Variants in KAZN observed in about 807,000 individuals in gnomAD.
KAZN encodes kazrin, periplakin interacting protein, also known as kazrin.
A neutral mutation model predicts 87.4 loss-of-function variants in KAZN; 40 were observed. That is an observed-to-expected ratio of 0.46 (90% CI 0.36 to 0.60). The LOEUF is 0.60. Among genes scored for constraint, KAZN ranks in the 20% least tolerant of loss-of-function variants. The pLI is 0.00. For synonymous variants in KAZN, 466 were observed against 458.3 expected (o/e 1.02, Z -0.22); for missense variants, 898 against 1,073.9 (o/e 0.84, Z 2.29).
At chr1:14,107,169 C>T (rs1487809653) in intron 1 of KAZN, among the ~76,000 whole-genome samples, 1 of 151,094 alleles carries the variant, frequency 6.6e-6, no homozygotes, top group African/African-American at 2.4e-5. Flanking sequence ...GATTTTTCTC[C>T]CCATGTTCAT....
chr1:15,106,770 C>T (rs1425346233), intron 13 of KAZN, among the ~76,000 whole-genome samples: 1 of 152,154 alleles, frequency 6.6e-6, no homozygotes, highest in Non-Finnish European at 1.5e-5. Context: ...AAGGAGAAGT[C>T]TCTGCCATGG....
intron 1 of KAZN, among the ~76,000 whole-genome samples, chr1:14,083,050 G>T (rs1288867483): frequency 6.6e-6 from 1 of 152,048 alleles, no homozygotes; most frequent in Non-Finnish European, 1.5e-5. Context: ...AAATTAGCCG[G>T]GTGTGGTGGC....
chr1:14,348,305 G>A (rs557811853), intron 2 of KAZN, among the ~76,000 whole-genome samples: 189 of 152,166 alleles, frequency 1.2e-3, no homozygotes, highest in African/African-American at 4.5e-3. Context: ...ACCCTCCCCA[G>A]CCTCTCCAAA....
intron 1 of KAZN, among the ~76,000 whole-genome samples, chr1:14,636,943 G>A (rs1272160438): frequency 6.6e-6 from 1 of 152,160 alleles, no homozygotes; most frequent in Non-Finnish European, 1.5e-5. Flanking sequence ...TCGACCTGAA[G>A]TTCAGACATG....
chr1:14,801,840 C>A (rs1285071424), intron 1 of KAZN, among the ~76,000 whole-genome samples: 1 of 147,816 alleles, frequency 6.8e-6, no homozygotes, highest in Admixed American at 6.6e-5. Flanking sequence ...CCCGCCATCA[C>A]GCCCAGCTAA....
intron 2 of KAZN, among the ~76,000 whole-genome samples, chr1:14,983,976 A>G (rs10927614): frequency 0.019 from 2,838 of 152,168 alleles, 84 homozygotes; most frequent in African/African-American, 0.065. Context: ...TTAAATTAAT[A>G]AAGCCTAAAA....
chr1:14,642,595 A>T (rs1163379309), intron 1 of KAZN, among the ~76,000 whole-genome samples: 2 of 152,140 alleles, frequency 1.3e-5, no homozygotes, highest in Non-Finnish European at 1.5e-5. Context: ...GATACAGGTA[A>T]ATAGGAGAAA....
intron 2 of KAZN, among the ~76,000 whole-genome samples, chr1:14,542,818 G>C (rs1395928515): frequency 6.6e-6 from 1 of 152,176 alleles, no homozygotes; most frequent in Non-Finnish European, 1.5e-5. Flanking sequence ...GCAAGCGGGG[G>C]AACAGCAAAG....
At chr1:14,868,456 C>T (rs939591583) in intron 1 of KAZN, among the ~76,000 whole-genome samples, 13 of 152,192 alleles carry the variant, frequency 8.5e-5, no homozygotes, top group Admixed American at 4.6e-4. Context: ...TAGGGCCACA[C>T]GTTACAAGAC....
chr1:14,418,035 A>C (rs995519440), intron 2 of KAZN, among the ~76,000 whole-genome samples: 2 of 131,264 alleles, frequency 1.5e-5, no homozygotes, highest in South Asian at 2.5e-4. Flanking sequence ...AAAAAAAAAA[A>C]AAAAAAAAAC....
chr1:14,599,324 C>T lies in KAZN; in HGVS notation c.226+101C>T, dbSNP rs912683402. 2.7e-5 allele frequency: 32 copies of T among 1,188,202 alleles called. No individual in the cohort carries two copies. Among genetic ancestry groups the T allele is most frequent in the Non-Finnish European group, 3.3e-5 (31 of 943,486 alleles). 73.6% of individuals were successfully genotyped at this position (1,188,202 alleles called of 1,614,324 possible). On this transcript the variant is annotated intron_variant, in intron 1 of 14. Transcript: ENST00000376030. This position sits in a 1 kb window ranked among gnomAD's most constrained non-coding sequence, Gnocchi z 4.4. The stretch of plus-strand genomic sequence containing the variant: ...GGGTCCCCCACACCCGGGGCGAAAT[C>T]GCTTTGCATTCTGGCTTGTAACCCT...
chr1:14,714,938 G>A (rs1642710662), intron 1 of KAZN, among the ~76,000 whole-genome samples: 1 of 151,670 alleles, frequency 6.6e-6, no homozygotes, highest in Non-Finnish European at 1.5e-5. Context: ...GGAACTATAG[G>A]CACACACCAT....
intron 2 of KAZN, among the ~76,000 whole-genome samples, chr1:14,181,034 G>A (rs526188): frequency 0.6 from 91,365 of 152,042 alleles, 28,201 homozygotes; most frequent in African/African-American, 0.71. Context: ...TTTTGCTAGC[G>A]CTGAATTTAT....
Position 14,995,060 on chromosome 1 carries a change from C to T in KAZN, c.418+34185C>T, listed in dbSNP as rs539282999. On this transcript the variant is annotated intron_variant, in intron 2 of 14. Transcript: ENST00000376030. ...AGGGACATGGTCCTTGTGCATTTCA[C>T]GCTGGGAAGGTTGGCTGGCCCCTCG... Among the ~76,000 whole-genome samples the T allele has an allele frequency of 5.9e-5, 9 of 152,340 alleles. No individual in the cohort carries two copies. The South Asian group carries it at 1.4e-3, about 25-fold the overall frequency.
At chr1:13,969,718 C>T (rs1480468812) in intron 1 of KAZN, among the ~76,000 whole-genome samples, 1 of 152,078 alleles carries the variant, frequency 6.6e-6, no homozygotes, top group Non-Finnish European at 1.5e-5. Context: ...TCAGATGCTA[C>T]CTGGCTGAGG....
At position 14,054,416 on chromosome 1, in the gene KAZN, AT is replaced by A. The variant is rs1480005961; in HGVS notation, c.92-126014del. Among the ~76,000 whole-genome samples the A allele has an allele frequency of 3.9e-5, 6 of 152,248 alleles. 1 individual carries two copies. The highest frequency in any genetic ancestry group is 3.3e-4 in the Admixed American group (5 of 15,286). ...TCCCTACCCTGTAGGCCACTTTGGC[AT>A]TTTTGGTAGACTGAATTTGAGTAAA... On this transcript the variant is annotated intron_variant, in intron 1 of 16. Coordinates refer to the KAZN transcript ENST00000636203.
chr1:14,824,600 G>C (rs569417857), intron 1 of KAZN, among the ~76,000 whole-genome samples: 1 of 152,146 alleles, frequency 6.6e-6, no homozygotes, highest in Non-Finnish European at 1.5e-5. Context: ...TTATCTGAGG[G>C]TTAAGTAAAA....
intron 1 of KAZN, among the ~76,000 whole-genome samples, chr1:14,643,544 AC>A (rs1413651037): frequency 1.3e-5 from 2 of 152,206 alleles, no homozygotes; most frequent in Non-Finnish European, 2.9e-5. Context: ...TTTATGTACC[AC>A]ATTTTCTTTA....
chr1:14,504,825 G>C (rs1364604168), intron 2 of KAZN, among the ~76,000 whole-genome samples: 1 of 152,192 alleles, frequency 6.6e-6, no homozygotes, highest in Admixed American at 6.5e-5. Flanking sequence ...CTCATGTTCA[G>C]GTGGAGGCCA....
Sources: gnomAD v4.1 joint callset for allele counts (sites outside exome capture counted in the v4.1 genomes callset) on GRCh38, gnomAD v4.1.1 for gene constraint, Gnocchi (gnomAD v3.1) non-coding constraint, MANE v1.5 for transcripts, NCBI Gene and HGNC (gene_info 2026-07-23, HGNC 2026-07-21) for gene names.